The following PALMD variants were observed in gnomAD, a reference collection of about 807,000 sequenced individuals.
PALMD encodes the protein palmdelphin, also known as paralemmin-like protein.
A neutral mutation model predicts 56.2 loss-of-function variants in PALMD; 42 were observed. The ratio of observed to expected loss-of-function variants is 0.75; its 90% CI spans 0.58 to 0.97. The LOEUF (loss-of-function observed/expected upper bound fraction) is 0.97. PALMD is among the 50% of genes least tolerant of loss of function. The probability of loss-of-function intolerance (pLI) is 0.00; values close to 1 mark genes in which losing one functional copy is unlikely to be tolerated. For synonymous variants in PALMD, 242 were observed against 222.9 expected (o/e 1.09, Z -0.76); for missense variants, 660 against 643.8 (o/e 1.03, Z -0.27).
chr1:99,688,638 G>A, intron 6 of PALMD, 137 bp from the exon 7 acceptor site: 1 of 600,678 alleles, frequency 1.7e-6, no homozygotes, highest in Non-Finnish European at 2.9e-6. Context: ...AGTAAAATCA[G>A]AAATTTAAAA....
chr1:99,660,584 C>T (rs1292233279), intron 1 of PALMD, among the ~76,000 whole-genome samples: 1 of 152,042 alleles, frequency 6.6e-6, no homozygotes, highest in Non-Finnish European at 1.5e-5. Context: ...TACTAATGGC[C>T]AGATTTCATC....
intron 2 of PALMD, among the ~76,000 whole-genome samples, chr1:99,666,758 G>A (rs1652970729): frequency 6.6e-6 from 1 of 152,140 alleles, no homozygotes; most frequent in Non-Finnish European, 1.5e-5. Context: ...TACATCTGAT[G>A]CTTCCCACTT....
At chr1:99,670,285 G>A (rs994251870) in intron 3 of PALMD, among the ~76,000 whole-genome samples, 11 of 152,144 alleles carry the variant, frequency 7.2e-5, no homozygotes, top group African/African-American at 2.7e-4. Flanking sequence ...AATACCAAAT[G>A]AGTTTAGTCC....
At chr1:99,693,952 A>G (rs770642135) in intron 7 of PALMD, 67 bp from the exon 8 acceptor site, 3 of 1,051,314 alleles carry the variant, frequency 2.9e-6, no homozygotes, top group Non-Finnish European at 4.3e-6. Flanking sequence ...GCATTCTATG[A>G]ATGGCCATTT....
intron 3 of PALMD, chr1:99,684,203 T>C (rs1653435495): frequency 6.6e-6 from 1 of 152,194 alleles, no homozygotes; most frequent in African/African-American, 2.4e-5. Context: ...AATCTAGCCC[T>C]GGCCTGATTT....
chr1:99,689,127 T>G lies in PALMD; in HGVS notation c.867T>G (p.Ile289Met), dbSNP rs35938911. 194 of 1,613,292 alleles carry G rather than the reference T, an allele frequency of 1.2e-4. No homozygotes were observed. The highest frequency in any genetic ancestry group is 1.6e-4 in the Non-Finnish European group (187 of 1,179,780). Reference protein sequence around the residue: ...PGPNFQERIKIKTNGLGIGVN... With the variant: ...PGPNFQERIKMKTNGLGIGVN... Reference sequence around the variant, plus strand: ...CAAACTTTCAAGAAAGGATAAAGATTAAAACTAATGGACTGGGTATTGGTG... The same window carrying G: ...CAAACTTTCAAGAAAGGATAAAGATGAAAACTAATGGACTGGGTATTGGTG... Residue 289 changes from isoleucine (I) to methionine (M), a missense_variant, in exon 7 of 8, where the codon ATT becomes ATG. Physicochemically the swap from Ile to Met is conservative, Grantham distance 10. Coordinates refer to ENST00000263174, the MANE Select transcript of PALMD (RefSeq NM_017734.5).
chr1:99,666,631 A>G (rs928188210), intron 2 of PALMD, among the ~76,000 whole-genome samples: 1 of 152,188 alleles, frequency 6.6e-6, no homozygotes, highest in Non-Finnish European at 1.5e-5. Context: ...TCCCCAATGA[A>G]TAATTAACAA....
rs1652986859 is a variant in PALMD, at chr1:99,667,282, T to C, written c.127-360T>C. ...ATAACAGATGACACTAAAGACATCA[T>C]ATTATGAGGTCCCATTATGACTGTG... is the stretch of plus-strand genomic sequence containing the variant. On this transcript the variant is annotated intron_variant, in intron 2 of 7. Coordinates refer to ENST00000263174, the MANE Select transcript of PALMD (RefSeq NM_017734.5). Among the ~76,000 whole-genome samples, 4 of 152,108 alleles carry C rather than the reference T, an allele frequency of 2.6e-5. No homozygotes were observed. In the South Asian group the frequency reaches 8.3e-4, roughly 31 times the overall value.
chr1:99,669,693 T>A (rs1653043832), intron 3 of PALMD: 1 of 152,164 alleles, frequency 6.6e-6, no homozygotes. Context: ...GTAATCCGAG[T>A]ATTAACCAGG....
chr1:99,694,017 A>G lies in PALMD; in HGVS notation c.1613-2A>G. 6.3e-7 allele frequency: 1 copy of G among 1,595,972 alleles called. No individual in the cohort carries two copies. Among genetic ancestry groups the G allele is most frequent in the Non-Finnish European group, 8.6e-7 (1 of 1,167,732 alleles). On this transcript the variant is annotated splice_acceptor_variant, in intron 7 of 7. Coordinates refer to ENST00000263174, the MANE Select transcript of PALMD (RefSeq NM_017734.5). LOFTEE classifies it high-confidence loss of function. ...CTCTCTTTTTTTTTCTTTAATTTGC[A>G]GCTTTAAGGATGAGAATGGCAAAGC...
At chr1:99,671,996 C>G (rs1294258766) in intron 3 of PALMD, among the ~76,000 whole-genome samples, 1 of 152,174 alleles carries the variant, frequency 6.6e-6, no homozygotes, top group African/African-American at 2.4e-5. Flanking sequence ...ACTTTTATAG[C>G]ATTTTTAAGT....
At chr1:99,676,001 T>A (rs1653204284) in intron 3 of PALMD, among the ~76,000 whole-genome samples, 1 of 152,224 alleles carries the variant, frequency 6.6e-6, no homozygotes, top group South Asian at 2.1e-4. Context: ...ACATCTGCTC[T>A]GTTCCCAACC....
At chr1:99,660,840 T>A (rs1652831221) in intron 1 of PALMD, among the ~76,000 whole-genome samples, 1 of 152,104 alleles carries the variant, frequency 6.6e-6, no homozygotes, top group Non-Finnish European at 1.5e-5. Context: ...GAGCCATGAT[T>A]GTGCCACTGC....
Position 99,683,090 on chromosome 1 carries a change from GAAAGAAAGAAAGAA to G in PALMD, c.252-3584_252-3571del, listed in dbSNP as rs1432850197. 6.2e-3 allele frequency among the ~76,000 whole-genome samples: 200 copies of G among 32,326 alleles called. 1 individual carries two copies. Among genetic ancestry groups the G allele is most frequent in the Admixed American group, 0.019 (62 of 3,260 alleles). 21.2% of individuals were successfully genotyped at this position (32,326 alleles called of 152,430 possible). Reference sequence around the variant, plus strand: ...AGAGAGAGAGAGAGAGAGAGAGAGAGAAAGAAAGAAAGAAAGAAAGAAAGAAAGAAAGAAAGAAA... The same window carrying G: ...AGAGAGAGAGAGAGAGAGAGAGAGAGAGAAAGAAAGAAAGAAAGAAAGAAA... On this transcript the variant is annotated intron_variant, in intron 3 of 7. Transcript: ENST00000263174.
chr1:99,674,021 A>G (rs1424612463), intron 3 of PALMD, among the ~76,000 whole-genome samples: 1 of 152,212 alleles, frequency 6.6e-6, no homozygotes, highest in Non-Finnish European at 1.5e-5. Context: ...AAGAATAAAC[A>G]TCCAGCTATT....
intron 2 of PALMD, among the ~76,000 whole-genome samples, chr1:99,666,912 A>G (rs1393202788): frequency 6.6e-6 from 1 of 152,116 alleles, no homozygotes; most frequent in African/African-American, 2.4e-5. Flanking sequence ...TGTTTTTTCC[A>G]TCTGGTGAAA....
At chr1:99,658,380 A>G (rs1290549028) in intron 1 of PALMD, among the ~76,000 whole-genome samples, 2 of 152,098 alleles carry the variant, frequency 1.3e-5, no homozygotes. Flanking sequence ...ACTTACACAA[A>G]TGACTTTCTT....
intron 3 of PALMD, among the ~76,000 whole-genome samples, chr1:99,682,434 C>A (rs748067461): frequency 2.0e-5 from 3 of 152,116 alleles, no homozygotes; most frequent in Non-Finnish European, 2.9e-5. Flanking sequence ...ACCACAGCGA[C>A]TTATTAATGC....
intron 3 of PALMD, among the ~76,000 whole-genome samples, chr1:99,680,005 A>G (rs1043551180): frequency 6.6e-6 from 1 of 152,224 alleles, no homozygotes; most frequent in Non-Finnish European, 1.5e-5. Context: ...AGGTAGGATG[A>G]TGACTTTTGA....
Sources: gnomAD v4.1 joint callset for allele counts (sites outside exome capture counted in the v4.1 genomes callset) on GRCh38, gnomAD v4.1.1 for gene constraint, MANE v1.5 for transcripts, NCBI Gene and HGNC (gene_info 2026-07-23, HGNC 2026-07-21) for gene names.